VPS54: variants seen among roughly 807,000 people sequenced by gnomAD.
VPS54 encodes vacuolar protein sorting-associated protein 54.
In VPS54, 45 loss-of-function variants were observed where a neutral mutation model predicts 121.5. The observed-to-expected ratio is 0.37, with a 90% CI of 0.29 to 0.47. VPS54 has a LOEUF of 0.47. VPS54 is among the 20% of genes least tolerant of loss of function. The probability of loss-of-function intolerance (pLI) is 0.99; values close to 1 mark genes in which losing one functional copy is unlikely to be tolerated. For synonymous variants in VPS54, 371 were observed against 385.8 expected, an observed-to-expected ratio of 0.96 and a Z score of 0.45; for missense variants, 1,090 against 1,131.4, an observed-to-expected ratio of 0.96 and a Z score of 0.52.
intron 1 of VPS54, among the ~76,000 whole-genome samples, chr2:64,005,741 G>C (rs1678113741): frequency 6.6e-6 from 1 of 152,160 alleles, no homozygotes; most frequent in African/African-American, 2.4e-5. Flanking sequence ...GGAAGGAGAA[G>C]ACAAACTCAC....
intron 1 of VPS54, among the ~76,000 whole-genome samples, chr2:63,994,599 GAA>G (rs1677493211): frequency 6.6e-6 from 1 of 152,190 alleles, no homozygotes; most frequent in South Asian, 2.1e-4. Flanking sequence ...TATCCATCTA[GAA>G]ACTCAAGTCT....
chr2:64,003,626 G>C (rs1677988571), intron 1 of VPS54, among the ~76,000 whole-genome samples: 1 of 151,904 alleles, frequency 6.6e-6, no homozygotes, highest in Non-Finnish European at 1.5e-5. Flanking sequence ...AGAACAGACA[G>C]ACAAAACAGA....
chr2:63,999,651 CTGT>C (rs772628964), intron 1 of VPS54, among the ~76,000 whole-genome samples: 4 of 152,186 alleles, frequency 2.6e-5, no homozygotes, highest in African/African-American at 4.8e-5. Flanking sequence ...GAGAAGTTCT[CTGT>C]TATTATTCCT....
chr2:63,912,248 G>T, intron 20 of VPS54, 97 bp downstream of exon 20: 1 of 1,137,328 alleles, frequency 8.8e-7, no homozygotes, highest in Non-Finnish European at 1.2e-6. Flanking sequence ...TGAAAGTTTA[G>T]ATTATCTTTT....
chr2:63,966,347 T>C (rs1468799942), intron 5 of VPS54, among the ~76,000 whole-genome samples: 2 of 152,202 alleles, frequency 1.3e-5, no homozygotes, highest in African/African-American at 4.8e-5. Flanking sequence ...TTCTCTAACC[T>C]ATATTTCTAT....
intron 3 of VPS54, among the ~76,000 whole-genome samples, chr2:63,973,286 G>A (rs567477525): frequency 6.6e-6 from 1 of 152,086 alleles, no homozygotes; most frequent in Non-Finnish European, 1.5e-5. Flanking sequence ...TTGATATTTA[G>A]CATCTTTTTA....
At position 63,919,866 on chromosome 2, in the gene VPS54, T is replaced by C. The variant is rs1244347942; in HGVS notation, c.2164+17A>G. On this transcript the variant is annotated intron_variant, in intron 15 of 22. Transcript: ENST00000272322. ...CAATATAAAATTGAAAGAGAATGTG[T>C]GAATGAATACACATACCTCCTGATT... 6.4e-7 allele frequency: 1 copy of C among 1,566,576 alleles called. No homozygotes were observed. The highest frequency in any genetic ancestry group is 2.3e-5 in the East Asian group (1 of 44,018).
intron 1 of VPS54, among the ~76,000 whole-genome samples, chr2:64,017,090 C>T (rs1678737452): frequency 6.7e-6 from 1 of 149,472 alleles, no homozygotes; most frequent in African/African-American, 2.5e-5. Context: ...ACCTCTAATC[C>T]CAGCACTCTG....
chr2:63,925,131 G>A (rs1374291505), intron 12 of VPS54, among the ~76,000 whole-genome samples: 2 of 152,212 alleles, frequency 1.3e-5, no homozygotes, highest in Non-Finnish European at 2.9e-5. Context: ...GAAAGTGGGA[G>A]AAGATATCTG....
intron 1 of VPS54, among the ~76,000 whole-genome samples, chr2:64,016,858 C>T (rs1678721866): frequency 6.6e-6 from 1 of 151,880 alleles, no homozygotes; most frequent in African/African-American, 2.4e-5. Flanking sequence ...ATCTACCTGA[C>T]TAGGCTTCCC....
At chr2:63,954,316 A>C (rs1675391894) in intron 7 of VPS54, among the ~76,000 whole-genome samples, 1 of 152,058 alleles carries the variant, frequency 6.6e-6, no homozygotes, top group South Asian at 2.1e-4. Context: ...ACATTGATAA[A>C]AATTAAAAAG....
chr2:63,920,306 A>T, intron 14 of VPS54, 140 bp downstream of exon 14: 2 of 745,156 alleles, frequency 2.7e-6, no homozygotes, highest in Non-Finnish European at 3.8e-6. Context: ...ATGTGATTTT[A>T]ATTCCACAAT....
chr2:63,933,455 T>C (rs1456449144), intron 12 of VPS54, among the ~76,000 whole-genome samples: 2 of 152,218 alleles, frequency 1.3e-5, no homozygotes, highest in Non-Finnish European at 2.9e-5. Flanking sequence ...TTTAAAGTTC[T>C]TTTGCAATCT....
chr2:63,948,323 T>C (rs1428044674), intron 8 of VPS54, among the ~76,000 whole-genome samples: 3 of 152,094 alleles, frequency 2.0e-5, no homozygotes, highest in African/African-American at 7.2e-5. Flanking sequence ...ATTATGTATT[T>C]GTATATACAT....
chr2:63,987,193 T>G (rs1677093722), intron 1 of VPS54, among the ~76,000 whole-genome samples: 1 of 152,248 alleles, frequency 6.6e-6, no homozygotes, highest in African/African-American at 2.4e-5. Context: ...CGTTGTTTCA[T>G]AGTTTGAAGT....
Position 64,007,281 on chromosome 2 carries a change from G to A in VPS54, c.-21+11657C>T, listed in dbSNP as rs532690802. ...CAACTTTGATGACAAAATTGTGCCC[G>A]TGGGAGAGAAGACAGACGAGGAGGT... On this transcript the variant is annotated intron_variant, in intron 1 of 22. Coordinates refer to ENST00000272322, the MANE Select transcript of VPS54 (RefSeq NM_016516.3). 2.8e-4 allele frequency among the ~76,000 whole-genome samples: 43 copies of A among 152,302 alleles called. No homozygotes were observed. In the East Asian group the frequency reaches 5.2e-3, roughly 18 times the overall value.
intron 12 of VPS54, 101 bp downstream of exon 12, chr2:63,933,572 A>C: frequency 1.8e-6 from 2 of 1,131,122 alleles, no homozygotes; most frequent in African/African-American, 3.1e-5. Flanking sequence ...TAAATTCTAA[A>C]ATTTACATGG....
intron 2 of VPS54, among the ~76,000 whole-genome samples, chr2:63,983,416 C>T (rs1343859845): frequency 2.7e-5 from 4 of 148,686 alleles, no homozygotes; most frequent in East Asian, 2.0e-4. Context: ...GGATTACAGG[C>T]GTGAGCCACC....
intron 1 of VPS54, among the ~76,000 whole-genome samples, chr2:63,987,490 G>C (rs1034196318): frequency 2.0e-4 from 30 of 152,052 alleles, no homozygotes; most frequent in African/African-American, 3.4e-4. Context: ...TTTTGCATAG[G>C]ATAGCTTTGT....
Sources: gnomAD v4.1 joint callset for allele counts (sites outside exome capture counted in the v4.1 genomes callset) on GRCh38, gnomAD v4.1.1 for gene constraint, MANE v1.5 for transcripts, NCBI Gene and HGNC (gene_info 2026-07-23, HGNC 2026-07-21) for gene names.